PRKG1: variants seen among roughly 807,000 people sequenced by gnomAD.
The protein encoded by PRKG1 is protein kinase cGMP-dependent 1.
A neutral mutation model predicts 88.1 loss-of-function variants in PRKG1; 35 were observed. That is an observed-to-expected ratio of 0.40 (90% CI 0.30 to 0.53). The LOEUF (loss-of-function observed/expected upper bound fraction) is 0.53, where lower values mean the gene tolerates loss of function less well. Among genes scored for constraint, PRKG1 ranks in the 20% least tolerant of loss-of-function variants. The pLI is 0.59. For synonymous variants in PRKG1, 303 were observed against 292.5 expected (o/e 1.04, Z -0.37); for missense variants, 540 against 839.8 (o/e 0.64, Z 4.41).
At chr10:51,201,294 A>T (rs759215534) in intron 2 of PRKG1, among the ~76,000 whole-genome samples, 7 of 152,086 alleles carry the variant, frequency 4.6e-5, no homozygotes, top group Non-Finnish European at 8.8e-5. Flanking sequence ...TCAACTACAA[A>T]TACATAAGTT....
chr10:51,478,789 A>T (rs913368947), intron 3 of PRKG1, among the ~76,000 whole-genome samples: 8 of 151,998 alleles, frequency 5.3e-5, no homozygotes, highest in African/African-American at 1.9e-4. Context: ...GGCCCAATCT[A>T]CGTGGAACCC....
At chr10:51,827,924 C>T (rs1051082402) in intron 4 of PRKG1, among the ~76,000 whole-genome samples, 6 of 152,100 alleles carry the variant, frequency 3.9e-5, no homozygotes, top group African/African-American at 1.4e-4. Flanking sequence ...TCTCTGGTAC[C>T]TGAGAAACTT....
At chr10:51,484,514 C>T (rs1252064369) in intron 3 of PRKG1, among the ~76,000 whole-genome samples, 3 of 152,038 alleles carry the variant, frequency 2.0e-5, no homozygotes, top group Non-Finnish European at 2.9e-5. Flanking sequence ...TAGGCTCAAG[C>T]GATCCACTTG....
intron 5 of PRKG1, among the ~76,000 whole-genome samples, chr10:51,952,838 T>G (rs994755446): frequency 6.6e-6 from 1 of 152,184 alleles, no homozygotes; most frequent in Admixed American, 6.5e-5. Flanking sequence ...TCAAAGTCAT[T>G]TCTAAAGGTC....
intron 2 of PRKG1, among the ~76,000 whole-genome samples, chr10:51,333,548 A>G (rs1841793509): frequency 6.6e-6 from 1 of 152,242 alleles, no homozygotes; most frequent in African/African-American, 2.4e-5. Context: ...AAAGCTTAGC[A>G]CATGTTGACT....
At chr10:51,303,234 C>G (rs1400656902) in intron 2 of PRKG1, among the ~76,000 whole-genome samples, 1 of 152,122 alleles carries the variant, frequency 6.6e-6, no homozygotes, top group African/African-American at 2.4e-5. Context: ...ATTCTTTTCT[C>G]TCAAGGACTT....
At chr10:51,210,489 G>C (rs1344906400) in intron 2 of PRKG1, among the ~76,000 whole-genome samples, 3 of 152,090 alleles carry the variant, frequency 2.0e-5, no homozygotes, top group African/African-American at 7.2e-5. Context: ...AGGAAATAGA[G>C]ACACAAAAAA....
chr10:51,901,044 A>G (rs1001793727), intron 4 of PRKG1, among the ~76,000 whole-genome samples: 1 of 152,182 alleles, frequency 6.6e-6, no homozygotes, highest in Non-Finnish European at 1.5e-5. Context: ...TGTGTGGTGA[A>G]TAAGAAAATA....
chr10:51,089,512 A>G (rs1252352256), intron 1 of PRKG1, among the ~76,000 whole-genome samples: 1 of 152,182 alleles, frequency 6.6e-6, no homozygotes, highest in Non-Finnish European at 1.5e-5. Context: ...AAATAAACAC[A>G]GGAAAAATGT....
At chr10:51,427,174 GAA>G (rs1342431561) in intron 2 of PRKG1, among the ~76,000 whole-genome samples, 1 of 152,084 alleles carries the variant, frequency 6.6e-6, no homozygotes, top group Non-Finnish European at 1.5e-5. Context: ...GAAAAGCAAA[GAA>G]AACATGAAAA....
At chr10:52,080,119 T>C (rs1846734234) in intron 7 of PRKG1, among the ~76,000 whole-genome samples, 1 of 152,200 alleles carries the variant, frequency 6.6e-6, no homozygotes, top group African/African-American at 2.4e-5. Context: ...AATAAAAACC[T>C]AAATTCTCAA....
At chr10:52,142,086 A>T (rs1040323101) in intron 8 of PRKG1, among the ~76,000 whole-genome samples, 3 of 152,178 alleles carry the variant, frequency 2.0e-5, no homozygotes, top group African/African-American at 7.2e-5. Context: ...TGCATTTGTT[A>T]TATCTCAGGA....
chr10:51,418,627 G>A (rs1475733584), intron 2 of PRKG1, among the ~76,000 whole-genome samples: 1 of 152,144 alleles, frequency 6.6e-6, no homozygotes, highest in African/African-American at 2.4e-5. Context: ...CTGGACTAAT[G>A]CAACGAATGA....
intron 5 of PRKG1, among the ~76,000 whole-genome samples, chr10:52,032,117 A>G (rs1452055746): frequency 1.3e-5 from 2 of 152,206 alleles, no homozygotes; most frequent in East Asian, 3.8e-4. Context: ...TTTGGGAATC[A>G]ATTTCTAATG....
At chr10:52,282,126 A>G in intron 13 of PRKG1, 27 bp from the exon 14 acceptor site, 1 of 1,554,678 alleles carries the variant, frequency 6.4e-7, no homozygotes, top group Non-Finnish European at 8.7e-7. Flanking sequence ...AAGGAGCTTA[A>G]GTATCTTGTT....
intron 2 of PRKG1, among the ~76,000 whole-genome samples, chr10:51,338,830 C>A (rs1464112729): frequency 6.6e-6 from 1 of 152,050 alleles, no homozygotes; most frequent in Non-Finnish European, 1.5e-5. Context: ...GGATTTTGTT[C>A]CTACTTTTTT....
chr10:51,867,605 G>A (rs753229100), intron 4 of PRKG1, among the ~76,000 whole-genome samples: 1 of 152,106 alleles, frequency 6.6e-6, no homozygotes, highest in Non-Finnish European at 1.5e-5. Flanking sequence ...AAAGGAAGGA[G>A]TCTAGGAAAC....
In PRKG1 at chr10:51,833,498, C is replaced by T. The variant is rs531044106; in HGVS notation, c.698+28808C>T. Among the ~76,000 whole-genome samples the T allele has an allele frequency of 1.4e-3, 215 of 152,232 alleles. 2 individuals carry two copies. Among genetic ancestry groups the T allele is most frequent in the African/African-American group, 4.9e-3 (205 of 41,536 alleles). On this transcript the variant is annotated intron_variant, in intron 4 of 17. Coordinates refer to ENST00000373980, the MANE Select transcript of PRKG1 (RefSeq NM_006258.4). Reference sequence around the variant, plus strand: ...GAGGCTCAGCAAAATTAAATCATTTCCAAGGTGACACATTTATAGGTAGTA... The same window carrying T: ...GAGGCTCAGCAAAATTAAATCATTTTCAAGGTGACACATTTATAGGTAGTA...
At chr10:51,513,967 G>A (rs1191859780) in intron 3 of PRKG1, among the ~76,000 whole-genome samples, 2 of 141,640 alleles carry the variant, frequency 1.4e-5, no homozygotes, top group Admixed American at 1.5e-4. Flanking sequence ...ACATTCAAAA[G>A]CTAGCAGAAG....
Sources: gnomAD v4.1 joint callset for allele counts (sites outside exome capture counted in the v4.1 genomes callset) on GRCh38, gnomAD v4.1.1 for gene constraint, MANE v1.5 for transcripts, NCBI Gene and HGNC (gene_info 2026-07-23, HGNC 2026-07-21) for gene names.